STARD13: variants seen among roughly 807,000 people sequenced by gnomAD.
The protein encoded by STARD13 is stAR-related lipid transfer protein 13.
Under a neutral mutation model 106.4 loss-of-function variants are expected in STARD13, and 62 were observed. The observed-to-expected ratio is 0.58, with a 90% CI of 0.48 to 0.72. STARD13 has a LOEUF of 0.72. Ranked by LOEUF, STARD13 falls within the 30% of genes least tolerant of loss-of-function variation. The pLI is 0.00. For missense variants in STARD13, 1,387 were observed against 1,424.0 expected, an observed-to-expected ratio of 0.97 and a Z score of 0.42; for synonymous variants, 565 against 553.0, an observed-to-expected ratio of 1.02 and a Z score of -0.31.
chr13:33,341,546 G>T (rs1300810550), intron 1 of STARD13, among the ~76,000 whole-genome samples: 1 of 149,758 alleles, frequency 6.7e-6, no homozygotes, highest in South Asian at 2.1e-4. Context: ...AGTCAAGATC[G>T]TGCCACTGCA....
At chr13:33,522,040 C>T in the STARD13 span, among the ~76,000 whole-genome samples, 1 of 152,006 alleles carries the variant, frequency 6.6e-6, no homozygotes, top group Non-Finnish European at 1.5e-5. Context: ...CTAATAAATA[C>T]TTTCTTCTTG....
At chr13:33,611,674 G>A in the STARD13 span, among the ~76,000 whole-genome samples, 3 of 152,194 alleles carry the variant, frequency 2.0e-5, no homozygotes, top group African/African-American at 7.2e-5. Context: ...CATTTTGACA[G>A]CTAGATAAGC....
the STARD13 span, among the ~76,000 whole-genome samples, chr13:33,625,715 T>G: frequency 2.0e-5 from 3 of 152,100 alleles, no homozygotes; most frequent in Admixed American, 2.0e-4. Context: ...GTACCCTTTT[T>G]TTTTTGAGAC....
At chr13:33,601,340 T>C in the STARD13 span, among the ~76,000 whole-genome samples, 1 of 152,118 alleles carries the variant, frequency 6.6e-6, no homozygotes, top group Non-Finnish European at 1.5e-5. Flanking sequence ...CTTTATTGGC[T>C]GTTTTGCTTG....
chr13:33,189,430 CTTTCGGAGG>C (rs1886060044), intron 1 of STARD13, among the ~76,000 whole-genome samples: 3 of 13,722 alleles, frequency 2.2e-4, no homozygotes, highest in Admixed American at 1.5e-3. Flanking sequence ...CTCCTTCCTC[CTTTCGGAGG>C]AAGGAGGGAA....
chr13:33,355,792 G>A, the STARD13 span: 1 of 152,192 alleles, frequency 6.6e-6, no homozygotes, highest in Non-Finnish European at 1.5e-5. Flanking sequence ...ATCTGTGCCT[G>A]CCCTGATTGG....
chr13:33,536,770 C>CA, the STARD13 span, among the ~76,000 whole-genome samples: 1 of 152,184 alleles, frequency 6.6e-6, no homozygotes, highest in African/African-American at 2.4e-5. Context: ...GCTTACTGAA[C>CA]AGAACTTCCC....
At chr13:33,428,388 CAG>C in the STARD13 span, among the ~76,000 whole-genome samples, 1 of 152,060 alleles carries the variant, frequency 6.6e-6, no homozygotes, top group African/African-American at 2.4e-5. Flanking sequence ...AGACAGCACA[CAG>C]AGTTAGAGAA....
the STARD13 span, among the ~76,000 whole-genome samples, chr13:33,536,937 G>C: frequency 6.6e-6 from 1 of 152,100 alleles, no homozygotes; most frequent in African/African-American, 2.4e-5. Flanking sequence ...AAATTCCCTT[G>C]CTATTCATAT....
At chr13:33,558,038 ATTT>A in the STARD13 span, among the ~76,000 whole-genome samples, 2 of 152,238 alleles carry the variant, frequency 1.3e-5, no homozygotes, top group Admixed American at 1.3e-4. Flanking sequence ...AATAAAAACC[ATTT>A]AAGATTGTAA....
chr13:33,645,589 A>C, the STARD13 span, among the ~76,000 whole-genome samples: 1 of 152,220 alleles, frequency 6.6e-6, no homozygotes, highest in African/African-American at 2.4e-5. Flanking sequence ...CATTCACATA[A>C]CCAACCTATA....
the STARD13 span, among the ~76,000 whole-genome samples, chr13:33,483,577 G>A: frequency 6.6e-6 from 1 of 152,184 alleles, no homozygotes; most frequent in Non-Finnish European, 1.5e-5. Context: ...GCAAGGGATG[G>A]AAACTCACCA....
At chr13:33,586,005 G>A in the STARD13 span, among the ~76,000 whole-genome samples, 1 of 152,184 alleles carries the variant, frequency 6.6e-6, no homozygotes, top group Non-Finnish European at 1.5e-5. Flanking sequence ...CTGGAAACCG[G>A]TGATGGTAGT....
At chr13:33,545,261 A>G in the STARD13 span, among the ~76,000 whole-genome samples, 4 of 151,208 alleles carry the variant, frequency 2.6e-5, no homozygotes, top group African/African-American at 9.7e-5. Context: ...CGCCTGGCCT[A>G]ATTTTTTGTA....
At chr13:33,252,203 CT>C (rs1566099434) in intron 1 of STARD13, among the ~76,000 whole-genome samples, 1 of 152,154 alleles carries the variant, frequency 6.6e-6, no homozygotes, top group Non-Finnish European at 1.5e-5. Flanking sequence ...AGAGGCTGCC[CT>C]TTATTTGGAA....
the STARD13 span, among the ~76,000 whole-genome samples, chr13:33,366,552 T>C: frequency 6.6e-6 from 1 of 152,236 alleles, no homozygotes; most frequent in Non-Finnish European, 1.5e-5. This position sits in a 1 kb window ranked among gnomAD's most constrained non-coding sequence, Gnocchi z 4.2. Context: ...TTATTTTCCC[T>C]TTTAAATTTT....
the STARD13 span, chr13:33,657,470 A>T: frequency 6.6e-6 from 1 of 152,204 alleles, no homozygotes; most frequent in Non-Finnish European, 1.5e-5. Flanking sequence ...GAAGCACAGG[A>T]GGTATTACAG....
At chr13:33,625,633 C>T in the STARD13 span, among the ~76,000 whole-genome samples, 74 of 152,100 alleles carry the variant, frequency 4.9e-4, no homozygotes, top group African/African-American at 1.6e-3. Flanking sequence ...CACAGAAAAT[C>T]GACAATAATG....
the STARD13 span, among the ~76,000 whole-genome samples, chr13:33,534,483 A>G: frequency 6.6e-6 from 1 of 152,194 alleles, no homozygotes. Flanking sequence ...TAGACATTGG[A>G]TTTCAACATT....
Sources: allele counts gnomAD v4.1 joint callset (sites outside exome capture counted in the v4.1 genomes callset), GRCh38; gene constraint gnomAD v4.1.1; non-coding constraint Gnocchi (gnomAD v3.1); transcripts MANE v1.5; gene names NCBI Gene and HGNC (gene_info 2026-07-23, HGNC 2026-07-21).